SIVA1: variants seen among roughly 807,000 people sequenced by gnomAD.
The protein encoded by SIVA1 is apoptosis regulatory protein Siva.
In SIVA1, 10 loss-of-function variants were observed where a neutral mutation model predicts 19.7. That is an observed-to-expected ratio of 0.51 (90% CI 0.31 to 0.86). The LOEUF is 0.86. SIVA1 is among the 40% of genes least tolerant of loss of function. The pLI, the probability that SIVA1 is intolerant of heterozygous loss-of-function variation, is 0.04. For synonymous variants in SIVA1, 130 were observed against 106.1 expected (o/e 1.23, Z -1.39); for missense variants, 241 against 245.2 (o/e 0.98, Z 0.11).
chr14:104,756,132 A>C, intron 2 of SIVA1: 7 of 509,982 alleles, frequency 1.4e-5, no homozygotes, highest in East Asian at 4.0e-5. Context: ...TCCCATCCCT[A>C]TGCAGTGTGG....
chr14:104,753,431 C>T (rs1891774200), intron 1 of SIVA1, 112 bp downstream of exon 1: 1 of 710,918 alleles, frequency 1.4e-6, no homozygotes, highest in African/African-American at 1.9e-5. Flanking sequence ...TGCTTTCTGG[C>T]CCCGCGTTCC....
chr14:104,756,560 C>G (rs773154160), intron 2 of SIVA1, 44 bp from the exon 3 acceptor site: 26 of 1,612,274 alleles, frequency 1.6e-5, no homozygotes, highest in Non-Finnish European at 2.1e-5. Context: ...CCCGGAAACT[C>G]CAGTCTCCTT....
intron 1 of SIVA1, among the ~76,000 whole-genome samples, chr14:104,754,637 C>G (rs753854086): frequency 6.6e-6 from 1 of 152,166 alleles, no homozygotes; most frequent in Non-Finnish European, 1.5e-5. Context: ...TGCAGGACAC[C>G]TACTTTGAAC....
chr14:104,754,445 T>C (rs1257554131), intron 1 of SIVA1, among the ~76,000 whole-genome samples: 1 of 152,154 alleles, frequency 6.6e-6, no homozygotes, highest in Non-Finnish European at 1.5e-5. Context: ...TCGTGTGCCC[T>C]CTCAGGACAG....
chr14:104,756,918 C>A, intron 3 of SIVA1, 158 bp downstream of exon 3: 1 of 786,842 alleles, frequency 1.3e-6, no homozygotes, highest in Non-Finnish European at 2.0e-6. Context: ...GCAATAGATG[C>A]TTGGCCCAAC....
chr14:104,753,944 T>G (rs1452436498), intron 1 of SIVA1: 1 of 329,446 alleles, frequency 3.0e-6, no homozygotes, highest in Non-Finnish European at 6.4e-6. Flanking sequence ...AAGAACAGTC[T>G]GAGCGGAATC....
Position 104,753,306 on chromosome 14 carries a change from G to A in SIVA1, c.105G>A (p.Ser35=), listed in dbSNP as rs544045514. 4.9e-5 allele frequency: 78 copies of A among 1,598,200 alleles called. No homozygotes were observed. The highest frequency in any genetic ancestry group is 6.6e-5 in the Non-Finnish European group (77 of 1,173,796). Residue 35 remains serine, a synonymous_variant, in exon 1 of 4, where the codon TCG becomes TCA. Transcript: ENST00000329967. ...GCGGCGTGTGCGCCGAGCGCTACTC[G>A]CAGGAGGTCTTCGGTGAGTGTCGGG... is the stretch of plus-strand genomic sequence containing the variant. ...LSRGVCAERY[S]QEVFEKTKRL...
intron 3 of SIVA1, chr14:104,758,598 TC>T (rs1416957926): frequency 6.6e-6 from 1 of 152,170 alleles, no homozygotes; most frequent in African/African-American, 2.4e-5. Context: ...CAAGCAATTT[TC>T]CTGTCTCAGC....
intron 2 of SIVA1, 61 bp downstream of exon 2, chr14:104,755,885 T>C (rs963361820): frequency 3.4e-6 from 5 of 1,478,014 alleles, no homozygotes; most frequent in Admixed American, 1.9e-5. Context: ...GGCACGAGCA[T>C]TTTTCTTGAT....
chr14:104,753,666 C>T (rs1329933416), intron 1 of SIVA1: 2 of 438,952 alleles, frequency 4.6e-6, no homozygotes, highest in Non-Finnish European at 9.1e-6. Context: ...GCAGGATGTC[C>T]TGGGAGAGGT....
rs185050950 is a variant in SIVA1, at chr14:104,759,525, G to A, written c.*40G>A. On this transcript the variant is annotated 3_prime_UTR_variant, in exon 4 of 4. Transcript: ENST00000329967. This position sits in a 1 kb window ranked among gnomAD's most constrained non-coding sequence, Gnocchi z 4.2. ...GGCTGCCTTCACCGGGAGCCACGCC[G>A]TGCATGGCAGCCTTCCCTGGACGAG... 1,274 of 1,566,788 alleles carry A rather than the reference G, an allele frequency of 8.1e-4. 14 individuals carry two copies. In the African/African-American group the frequency reaches 0.016, roughly 19 times the overall value.
chr14:104,753,521 G>C lies in SIVA1; in HGVS notation c.118+202G>C, dbSNP rs768762754. ...GTGAGGGGGATGTGAGGACCCCAGC[G>C]TTCGCCCACCCTGTCCAACAGCCTG... On this transcript the variant is annotated intron_variant, in intron 1 of 3. Coordinates refer to ENST00000329967, the MANE Select transcript of SIVA1 (RefSeq NM_006427.4). 2.4e-4 allele frequency among the ~76,000 whole-genome samples: 37 copies of C among 152,122 alleles called. 1 individual carries two copies. Among genetic ancestry groups the C allele is most frequent in the Non-Finnish European group, 5.1e-4 (35 of 67,992 alleles).
At chr14:104,754,654 A>T (rs1355007837) in intron 1 of SIVA1, among the ~76,000 whole-genome samples, 7 of 152,126 alleles carry the variant, frequency 4.6e-5, no homozygotes, top group Non-Finnish European at 8.8e-5. Flanking sequence ...GAACTGTGTG[A>T]CAGTTTCCAA....
chr14:104,757,479 G>T, intron 3 of SIVA1: 1 of 241,848 alleles, frequency 4.1e-6, no homozygotes, highest in Non-Finnish European at 8.6e-6. Flanking sequence ...TTCTTCAGTC[G>T]GGGCAGAGGC....
chr14:104,753,185 C>T lies in SIVA1; in HGVS notation c.-17C>T, dbSNP rs1891760783. Reference sequence around the variant, plus strand: ...GGCTGGCGGCCGGGGAGCTGCGTAGCTCCCGGCCCCGCGGCCATGCCCAAG... The same window carrying T: ...GGCTGGCGGCCGGGGAGCTGCGTAGTTCCCGGCCCCGCGGCCATGCCCAAG... On this transcript the variant is annotated 5_prime_UTR_variant, in exon 1 of 4. Coordinates refer to ENST00000329967, the MANE Select transcript of SIVA1 (RefSeq NM_006427.4). 6.6e-7 allele frequency: 1 copy of T among 1,520,176 alleles called. No individual in the cohort carries two copies. The allele number at this position is 1,520,176 out of a possible 1,614,324, so 94.2% of individuals were successfully genotyped here.
intron 1 of SIVA1, 86 bp from the exon 2 acceptor site, chr14:104,755,544 C>T: frequency 8.3e-7 from 1 of 1,209,380 alleles, no homozygotes; most frequent in Non-Finnish European, 1.2e-6. Context: ...CGATGGGGTT[C>T]ATGTGAGGCT....
chr14:104,754,243 G>A (rs1891811475), intron 1 of SIVA1, among the ~76,000 whole-genome samples: 1 of 152,170 alleles, frequency 6.6e-6, no homozygotes, highest in Non-Finnish European at 1.5e-5. Flanking sequence ...CACCTGTAGA[G>A]CAGTTAGAGG....
chr14:104,753,507 G>T (rs2140851964), intron 1 of SIVA1, among the ~76,000 whole-genome samples, 188 bp downstream of exon 1: 1 of 152,290 alleles, frequency 6.6e-6, no homozygotes, highest in East Asian at 1.9e-4. Context: ...TGAGGGGGAT[G>T]TGAGGACCCC....
In SIVA1 at chr14:104,759,181, A is replaced by G; in HGVS notation, c.471-247A>G. 2.6e-6 allele frequency: 1 copy of G among 386,684 alleles called. No homozygotes were observed. Among genetic ancestry groups the G allele is most frequent in the Non-Finnish European group, 4.7e-6 (1 of 214,196 alleles). The allele number at this position is 386,684 out of a possible 1,614,324, so 24.0% of individuals were successfully genotyped here. ...ACAGCTGCCCCCTCCCTGTATCTTC[A>G]TGTCGTCTTCCTTCTCTGTGTCCTT... is the stretch of plus-strand genomic sequence containing the variant. On this transcript the variant is annotated intron_variant, in intron 3 of 3. Transcript: ENST00000329967. This position sits in a 1 kb window ranked among gnomAD's most constrained non-coding sequence, Gnocchi z 4.2.
Sources: gnomAD v4.1 joint callset for allele counts (sites outside exome capture counted in the v4.1 genomes callset) on GRCh38, gnomAD v4.1.1 for gene constraint, Gnocchi (gnomAD v3.1) non-coding constraint, MANE v1.5 for transcripts, NCBI Gene and HGNC (gene_info 2026-07-23, HGNC 2026-07-21) for gene names.